The following CD247 variants were observed in gnomAD, a reference collection of about 807,000 sequenced individuals.
The protein encoded by CD247 is T-cell surface glycoprotein CD3 zeta chain.
CD247 carries 13 observed loss-of-function variants against 30.0 expected under a neutral mutation model. The ratio of observed to expected loss-of-function variants is 0.43; its 90% CI spans 0.28 to 0.69. The LOEUF is 0.69. Ranked by LOEUF, CD247 falls within the 30% of genes least tolerant of loss-of-function variation. CD247 has a pLI of 0.16. For missense variants in CD247, 193 were observed against 212.6 expected, an observed-to-expected ratio of 0.91 and a Z score of 0.57; for synonymous variants, 72 against 80.0, an observed-to-expected ratio of 0.90 and a Z score of 0.53.
At chr1:167,510,561 CT>C (rs1359746245) in intron 1 of CD247, among the ~76,000 whole-genome samples, 1 of 152,220 alleles carries the variant, frequency 6.6e-6, no homozygotes, top group Non-Finnish European at 1.5e-5. Context: ...CCTCTACCCC[CT>C]CCCCCAGCCT....
In CD247 at chr1:167,462,103, C is replaced by A. The variant is rs189208814; in HGVS notation, c.59-21336G>T. On this transcript the variant is annotated intron_variant, in intron 1 of 7. Transcript: ENST00000362089. ...TGGTGTAAGTCTCATGGGACTTGGC[C>A]ACTGTCACAGGCTAACTGATGCCCA... 8.2e-4 allele frequency among the ~76,000 whole-genome samples: 125 copies of A among 152,274 alleles called. 1 individual carries two copies. Among genetic ancestry groups the A allele is most frequent in the African/African-American group, 2.8e-3 (117 of 41,554 alleles).
chr1:167,498,061 A>G (rs858543), intron 1 of CD247, among the ~76,000 whole-genome samples: 112,188 of 152,074 alleles, frequency 0.74, 41,586 homozygotes, highest in African/African-American at 0.76. Context: ...CCATAGCTTG[A>G]TCTTGGGGAC....
At chr1:167,464,555 G>A (rs539796801) in intron 1 of CD247, among the ~76,000 whole-genome samples, 6 of 152,270 alleles carry the variant, frequency 3.9e-5, no homozygotes, top group African/African-American at 7.2e-5. Flanking sequence ...TTCTGCTTTG[G>A]ACAAGGATGC....
At position 167,439,379 on chromosome 1, in the gene CD247, G is replaced by A. The variant is rs772867144; in HGVS notation, c.184C>T (p.Pro62Ser). The A allele has an allele frequency of 6.2e-6, 10 of 1,614,056 alleles. 1 individual carries two copies. The South Asian group carries it at 7.7e-5, about 12-fold the overall frequency. Reference sequence around the variant, plus strand: ...TGGTTCTGGCCCTGCTGGTACGCGGGGGCGTCTGCGCTCCTGCTGAACTGC... The same window carrying A: ...TGGTTCTGGCCCTGCTGGTACGCGGAGGCGTCTGCGCTCCTGCTGAACTGC... ...RVKFSRSADA[P>S]AYQQGQNQLY... Residue 62 changes from proline to serine, a missense_variant, in exon 3 of 8, where the codon CCC becomes TCC. Transcript: ENST00000362089.
intron 1 of CD247, among the ~76,000 whole-genome samples, chr1:167,511,987 G>A (rs1655406549): frequency 1.3e-5 from 2 of 152,062 alleles, no homozygotes; most frequent in Non-Finnish European, 2.9e-5. Context: ...AGAGAACGGC[G>A]GTCTGGACTG....
intron 1 of CD247, among the ~76,000 whole-genome samples, chr1:167,477,771 C>T (rs889464870): frequency 1.3e-5 from 2 of 152,174 alleles, no homozygotes; most frequent in Non-Finnish European, 1.5e-5. Context: ...TCAAGCAATT[C>T]CCCCGCCTTG....
chr1:167,467,318 A>G (rs1228713520), intron 1 of CD247, among the ~76,000 whole-genome samples: 1 of 152,236 alleles, frequency 6.6e-6, no homozygotes, highest in East Asian at 1.9e-4. Flanking sequence ...CCTTCATGCA[A>G]ACGCAGAGTC....
intron 4 of CD247, among the ~76,000 whole-genome samples, chr1:167,437,406 A>G (rs1029000395): frequency 1.3e-3 from 4 of 3,162 alleles, no homozygotes; most frequent in African/African-American, 2.6e-3. Context: ...ACGCTGTCTC[A>G]AAAAAAAAAA....
At chr1:167,512,193 C>T (rs902785802) in intron 1 of CD247, among the ~76,000 whole-genome samples, 4 of 152,106 alleles carry the variant, frequency 2.6e-5, no homozygotes, top group Admixed American at 1.3e-4. Flanking sequence ...TCTCACCAAC[C>T]GAAGTCCTTG....
intron 1 of CD247, chr1:167,459,865 GT>G: frequency 6.6e-6 from 1 of 152,302 alleles, no homozygotes; most frequent in African/African-American, 2.4e-5. Flanking sequence ...TGACAGGTCT[GT>G]CCCCGTTAAA....
chr1:167,488,790 C>G (rs1277378135), intron 1 of CD247, among the ~76,000 whole-genome samples: 1 of 152,178 alleles, frequency 6.6e-6, no homozygotes, highest in South Asian at 2.1e-4. Flanking sequence ...TGGAGCCCAA[C>G]AAGTATTTCC....
intron 1 of CD247, among the ~76,000 whole-genome samples, chr1:167,478,620 T>A: frequency 6.6e-6 from 1 of 152,158 alleles, no homozygotes; most frequent in South Asian, 2.1e-4. Flanking sequence ...AGACTATTTG[T>A]CTCCAAATCC....
At chr1:167,517,577 A>C (rs1655666342) in intron 1 of CD247, among the ~76,000 whole-genome samples, 2 of 152,232 alleles carry the variant, frequency 1.3e-5, no homozygotes, top group Non-Finnish European at 1.5e-5. Flanking sequence ...TGAGGTGAGG[A>C]GCAAGCACTC....
At chr1:167,447,463 T>TA (rs376083880) in intron 1 of CD247, among the ~76,000 whole-genome samples, 8 of 148,994 alleles carry the variant, frequency 5.4e-5, no homozygotes, top group Non-Finnish European at 7.5e-5. Flanking sequence ...TTTTCAGAGT[T>TA]AAAAAAAAAA....
chr1:167,459,889 C>T (rs1242314499), intron 1 of CD247: 1 of 152,120 alleles, frequency 6.6e-6, no homozygotes, highest in Non-Finnish European at 1.5e-5. Flanking sequence ...TTGAGAATTC[C>T]ACAAAGCCTG....
At chr1:167,500,888 A>G (rs1170154135) in intron 1 of CD247, among the ~76,000 whole-genome samples, 1 of 152,058 alleles carries the variant, frequency 6.6e-6, no homozygotes, top group Non-Finnish European at 1.5e-5. Context: ...CCAACTTCCC[A>G]TCCCAGCTGT....
rs188290484 is a variant in CD247 at position 167,443,820 on chromosome 1, C to T, written c.59-3053G>A. ...GTTGGGTGGAGGAGAGGATATTAAC[C>T]CCAACATAATTCCCTGTGTAGGACC... On this transcript the variant is annotated intron_variant, in intron 1 of 7. Coordinates refer to ENST00000362089, the MANE Select transcript of CD247 (RefSeq NM_198053.3). Among the ~76,000 whole-genome samples the T allele has an allele frequency of 2.6e-5, 4 of 152,038 alleles. No individual in the cohort carries two copies. The South Asian group carries it at 8.3e-4, about 32-fold the overall frequency.
intron 1 of CD247, among the ~76,000 whole-genome samples, chr1:167,476,317 C>T (rs1318506415): frequency 2.6e-5 from 4 of 152,278 alleles, no homozygotes; most frequent in Middle Eastern, 3.4e-3. Flanking sequence ...TGTGCACTCT[C>T]CCCAAGCCCT....
chr1:167,437,550 CT>C (rs1382061057), intron 4 of CD247, among the ~76,000 whole-genome samples: 2 of 152,148 alleles, frequency 1.3e-5, no homozygotes, highest in Non-Finnish European at 2.9e-5. Flanking sequence ...GGAAGAAATT[CT>C]GTTATTCACT....
Sources: gnomAD v4.1 joint callset for allele counts (sites outside exome capture counted in the v4.1 genomes callset) on GRCh38, gnomAD v4.1.1 for gene constraint, MANE v1.5 for transcripts, NCBI Gene and HGNC (gene_info 2026-07-23, HGNC 2026-07-21) for gene names.